Variants in CEP128 observed in about 807,000 individuals in gnomAD.
CEP128 encodes the protein centrosomal protein 128kDa.
A neutral mutation model predicts 156.7 loss-of-function variants in CEP128; 132 were observed. The observed-to-expected ratio is 0.84, with a 90% CI of 0.73 to 0.97. CEP128 has a LOEUF of 0.97. Ranked by LOEUF, CEP128 falls within the 50% of genes least tolerant of loss-of-function variation. The probability of loss-of-function intolerance (pLI) is 0.00; values close to 1 mark genes in which losing one functional copy is unlikely to be tolerated. For synonymous variants in CEP128, 469 were observed against 448.9 expected (o/e 1.04, Z -0.57); for missense variants, 1,252 against 1,281.9 (o/e 0.98, Z 0.36).
intron 19 of CEP128, among the ~76,000 whole-genome samples, chr14:80,625,129 A>G (rs1383783822): frequency 1.3e-5 from 2 of 152,130 alleles, no homozygotes; most frequent in Non-Finnish European, 2.9e-5. Flanking sequence ...GTCTGGTTTT[A>G]TTCTTTCACA....
chr14:80,593,364 C>G (rs1347505796), intron 19 of CEP128, among the ~76,000 whole-genome samples: 1 of 151,844 alleles, frequency 6.6e-6, no homozygotes, highest in Non-Finnish European at 1.5e-5. Flanking sequence ...GGTGAAACCC[C>G]ATCTCTACTA....
intron 19 of CEP128, among the ~76,000 whole-genome samples, chr14:80,595,889 G>A (rs527658961): frequency 5.3e-5 from 8 of 152,056 alleles, no homozygotes; most frequent in East Asian, 1.9e-4. Flanking sequence ...TAAAACCATC[G>A]GATCTCATGA....
At chr14:80,894,894 TAAC>T (rs1436470035) in intron 8 of CEP128, among the ~76,000 whole-genome samples, 2 of 151,596 alleles carry the variant, frequency 1.3e-5, no homozygotes, top group South Asian at 4.2e-4. Context: ...GTAAACAAAT[TAAC>T]AACTGGAGAA....
chr14:80,837,228 G>A (rs1291615564), intron 11 of CEP128, among the ~76,000 whole-genome samples: 1 of 152,160 alleles, frequency 6.6e-6, no homozygotes, highest in African/African-American at 2.4e-5. Flanking sequence ...TATTCTGAAG[G>A]TGTGTTATAT....
intron 17 of CEP128, among the ~76,000 whole-genome samples, chr14:80,757,309 C>T (rs1313621073): frequency 6.6e-6 from 1 of 152,116 alleles, no homozygotes; most frequent in East Asian, 1.9e-4. Flanking sequence ...CAGTCGTGTT[C>T]TACATAATGT....
intron 19 of CEP128, among the ~76,000 whole-genome samples, chr14:80,711,847 A>C (rs1422239878): frequency 1.3e-5 from 2 of 152,086 alleles, no homozygotes; most frequent in African/African-American, 4.8e-5. Flanking sequence ...CCTACTATGT[A>C]CCTAAAAATT....
chr14:80,927,911 C>A (rs1566720899), intron 2 of CEP128, among the ~76,000 whole-genome samples: 1 of 152,064 alleles, frequency 6.6e-6, no homozygotes, highest in Non-Finnish European at 1.5e-5. Flanking sequence ...TCTACCATTC[C>A]AGCCCCACAG....
chr14:80,761,379 C>A, intron 17 of CEP128, 58 bp downstream of exon 17: 2 of 1,238,386 alleles, frequency 1.6e-6, no homozygotes, highest in Non-Finnish European at 2.3e-6. Context: ...AATCCTATTA[C>A]AATTATATAT....
intron 2 of CEP128, among the ~76,000 whole-genome samples, chr14:80,949,889 A>AAT (rs1886425299): frequency 3.3e-5 from 5 of 152,070 alleles, no homozygotes; most frequent in Non-Finnish European, 4.4e-5. Flanking sequence ...AATTGACAAA[A>AAT]ATATATATAT....
At chr14:80,500,842 C>T (rs555415763) in intron 24 of CEP128, among the ~76,000 whole-genome samples, 3 of 152,176 alleles carry the variant, frequency 2.0e-5, no homozygotes, top group African/African-American at 7.2e-5. Flanking sequence ...TGACTGTTTA[C>T]ATTATTATGA....
At chr14:80,577,266 T>G (rs1891399754) in intron 20 of CEP128, among the ~76,000 whole-genome samples, 1 of 152,164 alleles carries the variant, frequency 6.6e-6, no homozygotes, top group Non-Finnish European at 1.5e-5. Flanking sequence ...TTTAGTATCA[T>G]TCTTATGATA....
intron 19 of CEP128, among the ~76,000 whole-genome samples, chr14:80,592,745 A>G (rs796388128): frequency 6.6e-6 from 1 of 152,084 alleles, no homozygotes; most frequent in Admixed American, 6.6e-5. Context: ...CAAAAATCCT[A>G]AATAAAATAA....
chr14:80,649,260 C>T (rs1210476776), intron 19 of CEP128, among the ~76,000 whole-genome samples: 2 of 152,004 alleles, frequency 1.3e-5, no homozygotes, highest in African/African-American at 4.8e-5. Flanking sequence ...CTTCCCCACC[C>T]CTCCTTAACT....
chr14:80,842,758 C>G (rs1886404291), intron 9 of CEP128, among the ~76,000 whole-genome samples: 1 of 151,798 alleles, frequency 6.6e-6, no homozygotes, highest in South Asian at 2.1e-4. Flanking sequence ...AAATCACATG[C>G]CAATGAATTT....
rs138236889 is a variant in CEP128 at position 80,607,033 on chromosome 14, C to T, written c.2807-26610G>A. Among the ~76,000 whole-genome samples, 219 of 150,864 alleles carry T rather than the reference C, an allele frequency of 1.5e-3. 3 individuals carry two copies. The Middle Eastern group carries it at 0.025, about 17-fold the overall frequency. ...TACATATATTTATATAACATATATA[C>T]GATACACACATATACATATATGTAC... On this transcript the variant is annotated intron_variant, in intron 19 of 24. Transcript: ENST00000555265.
intron 19 of CEP128, among the ~76,000 whole-genome samples, chr14:80,601,315 G>A (rs1041397087): frequency 2.6e-5 from 4 of 152,082 alleles, no homozygotes; most frequent in African/African-American, 9.7e-5. Context: ...GCATTTTTAG[G>A]CAATTTCCTC....
intron 19 of CEP128, among the ~76,000 whole-genome samples, chr14:80,731,848 A>C (rs981614964): frequency 6.6e-6 from 1 of 152,218 alleles, no homozygotes; most frequent in Non-Finnish European, 1.5e-5. Flanking sequence ...TAGTTTGGTG[A>C]TAATTTGGAG....
chr14:80,511,808 C>T (rs553380435), intron 23 of CEP128, among the ~76,000 whole-genome samples: 18 of 152,094 alleles, frequency 1.2e-4, no homozygotes, highest in African/African-American at 4.3e-4. Context: ...TCATTTGTTT[C>T]AAGTAATTTT....
intron 2 of CEP128, among the ~76,000 whole-genome samples, chr14:80,952,432 A>T (rs1886486431): frequency 6.6e-6 from 1 of 152,162 alleles, no homozygotes; most frequent in Admixed American, 6.5e-5. Flanking sequence ...TAAAAGAAAA[A>T]CTAAAAAGTA....
Sources: gnomAD v4.1 joint callset for allele counts (sites outside exome capture counted in the v4.1 genomes callset) on GRCh38, gnomAD v4.1.1 for gene constraint, MANE v1.5 for transcripts, NCBI Gene and HGNC (gene_info 2026-07-23, HGNC 2026-07-21) for gene names.